KCNIP4: variants seen among roughly 807,000 people sequenced by gnomAD.
KCNIP4 encodes the protein Kv channel-interacting protein 4.
A neutral mutation model predicts 34.0 loss-of-function variants in KCNIP4; 12 were observed. The ratio of observed to expected loss-of-function variants is 0.35; its 90% CI spans 0.23 to 0.57. KCNIP4 has a LOEUF of 0.57. Ranked by LOEUF, KCNIP4 falls within the 20% of genes least tolerant of loss-of-function variation. The probability of loss-of-function intolerance (pLI) is 0.83; values close to 1 mark genes in which losing one functional copy is unlikely to be tolerated. For missense variants in KCNIP4, 238 were observed against 311.7 expected (o/e 0.76, Z 1.78); for synonymous variants, 124 against 102.2 (o/e 1.21, Z -1.29).
intron 1 of KCNIP4, among the ~76,000 whole-genome samples, chr4:21,359,644 G>T (rs1261442898): frequency 6.6e-6 from 1 of 152,018 alleles, no homozygotes; most frequent in Non-Finnish European, 1.5e-5. Context: ...ACTGTTTAAG[G>T]TAGTTCCATT....
chr4:20,772,172 A>C (rs528749035), intron 3 of KCNIP4, among the ~76,000 whole-genome samples: 14 of 152,300 alleles, frequency 9.2e-5, no homozygotes, highest in African/African-American at 3.1e-4. Flanking sequence ...TTTGACTGCA[A>C]ATCTTTCACA....
chr4:20,888,046 T>C (rs909187462), intron 1 of KCNIP4, among the ~76,000 whole-genome samples: 5 of 151,892 alleles, frequency 3.3e-5, no homozygotes, highest in African/African-American at 4.8e-5. Flanking sequence ...GAAGGAGACA[T>C]ACTGAAATCT....
At chr4:21,539,805 C>T (rs1171002240) in intron 1 of KCNIP4, among the ~76,000 whole-genome samples, 2 of 151,976 alleles carry the variant, frequency 1.3e-5, no homozygotes, top group African/African-American at 4.8e-5. Flanking sequence ...ACAGTGAAAC[C>T]CCGTTTCTAC....
At chr4:21,931,208 A>G (rs1350678793) in intron 1 of KCNIP4, among the ~76,000 whole-genome samples, 2 of 151,358 alleles carry the variant, frequency 1.3e-5, no homozygotes, top group African/African-American at 4.9e-5. Flanking sequence ...TGCACCTACA[A>G]TAGGAGCTTT....
intron 1 of KCNIP4, among the ~76,000 whole-genome samples, chr4:21,028,645 AC>A (rs1191959130): frequency 6.6e-6 from 1 of 152,192 alleles, no homozygotes; most frequent in African/African-American, 2.4e-5. Flanking sequence ...AATACTTAGT[AC>A]CTTCTAATAT....
chr4:21,213,187 T>C (rs543734111), intron 1 of KCNIP4, among the ~76,000 whole-genome samples: 3 of 152,248 alleles, frequency 2.0e-5, no homozygotes, highest in South Asian at 2.1e-4. Flanking sequence ...TGAGGCAAAG[T>C]TGGGGGCACT....
intron 1 of KCNIP4, among the ~76,000 whole-genome samples, chr4:21,621,015 A>G (rs2109176062): frequency 6.6e-6 from 1 of 152,310 alleles, no homozygotes; most frequent in South Asian, 2.1e-4. Context: ...TTATAGAGAT[A>G]TCTCAGGCTC....
chr4:21,699,768 G>A (rs1712683843), intron 1 of KCNIP4, among the ~76,000 whole-genome samples: 1 of 152,080 alleles, frequency 6.6e-6, no homozygotes, highest in African/African-American at 2.4e-5. Flanking sequence ...TTATAGCTGG[G>A]GTAAGGGATT....
chr4:20,765,291 GAAAA>G (rs1755298766), intron 3 of KCNIP4, among the ~76,000 whole-genome samples: 1 of 152,100 alleles, frequency 6.6e-6, no homozygotes, highest in African/African-American at 2.4e-5. Context: ...TATTAGGACT[GAAAA>G]CATAGTCTCC....
intron 1 of KCNIP4, among the ~76,000 whole-genome samples, chr4:21,439,610 C>G (rs1221762290): frequency 1.3e-5 from 2 of 152,174 alleles, no homozygotes; most frequent in Non-Finnish European, 2.9e-5. Flanking sequence ...CTGCTAATGG[C>G]TGATAAAGGC....
chr4:21,708,971 T>C (rs1686549766), intron 1 of KCNIP4, among the ~76,000 whole-genome samples: 1 of 152,202 alleles, frequency 6.6e-6, no homozygotes, highest in South Asian at 2.1e-4. Flanking sequence ...CCTTCCTTTA[T>C]TAATTTTTCT....
intron 1 of KCNIP4, among the ~76,000 whole-genome samples, chr4:21,561,678 G>A (rs1445910800): frequency 6.6e-6 from 1 of 151,848 alleles, no homozygotes; most frequent in African/African-American, 2.4e-5. Context: ...AAAAAAAGCT[G>A]TTAAGGCAAT....
intron 1 of KCNIP4, among the ~76,000 whole-genome samples, chr4:21,196,945 CCACT>C (rs1300613618): frequency 5.9e-5 from 9 of 152,072 alleles, no homozygotes; most frequent in Non-Finnish European, 1.2e-4. Context: ...ATCCTTCTTC[CCACT>C]CAATCTCTGC....
At chr4:21,782,710 T>G (rs764722300) in intron 1 of KCNIP4, among the ~76,000 whole-genome samples, 2 of 151,910 alleles carry the variant, frequency 1.3e-5, no homozygotes, top group Non-Finnish European at 2.9e-5. Context: ...ACAAACAAAC[T>G]TGTACACAAT....
intron 1 of KCNIP4, among the ~76,000 whole-genome samples, chr4:21,397,219 T>A (rs1470263311): frequency 2.6e-5 from 4 of 152,224 alleles, no homozygotes; most frequent in African/African-American, 9.6e-5. Flanking sequence ...ATAAAAGTTA[T>A]ATCCAAATAG....
At chr4:21,651,807 A>G (rs1747500916) in intron 1 of KCNIP4, among the ~76,000 whole-genome samples, 1 of 152,176 alleles carries the variant, frequency 6.6e-6, no homozygotes, top group South Asian at 2.1e-4. Flanking sequence ...CTTACTAAGT[A>G]TTTGAACTCA....
intron 1 of KCNIP4, among the ~76,000 whole-genome samples, chr4:21,627,819 C>T (rs559463009): frequency 1.4e-4 from 22 of 152,186 alleles, no homozygotes; most frequent in African/African-American, 5.3e-4. Context: ...TAATAAGTGT[C>T]GGTCATTAAT....
chr4:20,922,539 GTCTGTCTGTCTATCTA>G (rs1255197572), intron 1 of KCNIP4, among the ~76,000 whole-genome samples: 6 of 88,084 alleles, frequency 6.8e-5, no homozygotes, highest in African/African-American at 1.3e-4. Flanking sequence ...CTGTCTGTCT[GTCTGTCTGTCTATCTA>G]TCTATCTATC....
intron 1 of KCNIP4, among the ~76,000 whole-genome samples, chr4:21,308,086 G>C (rs924684920): frequency 1.3e-5 from 2 of 152,118 alleles, no homozygotes; most frequent in African/African-American, 4.8e-5. Context: ...GTCGCAGCGT[G>C]GATTCAAACT....
Sources: allele counts gnomAD v4.1 joint callset (sites outside exome capture counted in the v4.1 genomes callset), GRCh38; gene constraint gnomAD v4.1.1; transcripts MANE v1.5; gene names NCBI Gene and HGNC (gene_info 2026-07-23, HGNC 2026-07-21).